Variants in SNX21 observed in about 807,000 individuals in gnomAD.
SNX21 encodes the protein sorting nexin family member 21, also known as sorting nexin-21.
SNX21 carries 36 observed loss-of-function variants against 30.9 expected under a neutral mutation model. The ratio of observed to expected loss-of-function variants is 1.16; its 90% CI spans 0.89 to 1.54. The LOEUF is 1.54. SNX21 is among the 40% of genes most tolerant of loss of function. The probability of loss-of-function intolerance (pLI) is 0.00; values close to 1 mark genes in which losing one functional copy is unlikely to be tolerated. For synonymous variants in SNX21, 218 were observed against 222.7 expected (o/e 0.98, Z 0.19); for missense variants, 508 against 516.5 (o/e 0.98, Z 0.16).
At position 45,841,417 on chromosome 20, in the gene SNX21, G is replaced by T. The variant is rs530653042; in HGVS notation, c.*104G>T. On this transcript the variant is annotated 3_prime_UTR_variant, in exon 4 of 4. Transcript: ENST00000491381. ...AGCTGGGAGGCTGCAGAGGGTGCTGGGAGCCCCTAGAAGTTCCAAAAGAGA... is the reference window on the plus strand; with the variant it reads ...AGCTGGGAGGCTGCAGAGGGTGCTGTGAGCCCCTAGAAGTTCCAAAAGAGA... 135 of 1,481,164 alleles carry T rather than the reference G, an allele frequency of 9.1e-5. No individual in the cohort carries two copies. In the South Asian group the frequency reaches 1.1e-3, roughly 12 times the overall value. 91.8% of individuals were successfully genotyped at this position (1,481,164 alleles called of 1,614,324 possible).
chr20:45,839,202 G>A (rs1338929291), intron 3 of SNX21, among the ~76,000 whole-genome samples: 1 of 152,134 alleles, frequency 6.6e-6, no homozygotes, highest in Non-Finnish European at 1.5e-5. Flanking sequence ...ACCTGCCCAA[G>A]AAGTCCTTTT....
At chr20:45,839,029 G>T (rs1048731450) in intron 3 of SNX21, among the ~76,000 whole-genome samples, 1 of 151,922 alleles carries the variant, frequency 6.6e-6, no homozygotes. Flanking sequence ...AAGTAGCTGG[G>T]ATTACAGGCA....
intron 2 of SNX21, 193 bp from the exon 3 acceptor site, chr20:45,834,766 A>G: frequency 1.4e-6 from 1 of 721,418 alleles, no homozygotes; most frequent in Non-Finnish European, 2.3e-6. Flanking sequence ...TTGAGGGTGG[A>G]GCTATTAATT....
rs776779563 is a variant in SNX21, at chr20:45,834,324, G to T, written c.145G>T (p.Asp49Tyr). The T allele has an allele frequency of 1.9e-6, 3 of 1,598,024 alleles. No homozygotes were observed. The highest frequency in any genetic ancestry group is 2.5e-6 in the Non-Finnish European group (3 of 1,177,302). Residue 49 changes from aspartate (D) to tyrosine (Y), a missense_variant, in exon 2 of 4, where the codon GAC becomes TAC. Coordinates refer to ENST00000491381, the MANE Select transcript of SNX21 (RefSeq NM_033421.4). ...FPESSELEDD[D>Y]AEGLSSRLSG... ...GGAGAGCTCAGAGCTGGAGGACGAC[G>T]ACGCCGAGGGCCTGTCCTCCCGACT...
Position 45,834,213 on chromosome 20 carries a change from T to G in SNX21, c.34T>G (p.Ser12Ala), listed in dbSNP as rs1983278452. 1 of 1,530,850 alleles carries G rather than the reference T, an allele frequency of 6.5e-7. No individual in the cohort carries two copies. Among genetic ancestry groups the G allele is most frequent in the Non-Finnish European group, 8.7e-7 (1 of 1,148,788 alleles). The allele number at this position is 1,530,850 out of a possible 1,614,324, so 94.8% of individuals were successfully genotyped here. Residue 12 changes from serine to alanine, a missense_variant, in exon 2 of 4, where the codon TCC (serine) becomes GCC (alanine). Ser to Ala is a moderately conservative substitution (Grantham distance 99). Transcript: ENST00000491381. ...GCGCTCCCCCCAGGGTGCCATGGCC[T>G]CCCGGCTCCTGCACCGGCTGCGGCA... is the stretch of plus-strand genomic sequence containing the variant. The part of the protein sequence containing the change: ...HRGTQEGAMA[S>A]RLLHRLRHAL...
In SNX21 at chr20:45,841,967, G is replaced by C; in HGVS notation, c.*654G>C. 1 of 1,612,934 alleles carries C rather than the reference G, an allele frequency of 6.2e-7. No homozygotes were observed. Among genetic ancestry groups the C allele is most frequent in the Non-Finnish European group, 8.5e-7 (1 of 1,179,922 alleles). On this transcript the variant is annotated 3_prime_UTR_variant, in exon 4 of 4. Transcript: ENST00000491381. The stretch of plus-strand genomic sequence containing the variant: ...GCCCCCGAGAGCCACCTGTGGGTGA[G>C]GTGAAGGGTGATGATGGCCTGCTTC...
intron 3 of SNX21, chr20:45,840,305 T>C: frequency 6.4e-7 from 1 of 1,564,200 alleles, no homozygotes; most frequent in South Asian, 1.2e-5. Flanking sequence ...GGTTTCAGCT[T>C]ATGTCTGGTT....
Position 45,842,532 on chromosome 20 carries a change from C to G in SNX21, c.*1219C>G. On this transcript the variant is annotated 3_prime_UTR_variant, in exon 4 of 4. Transcript: ENST00000491381. ...GGAAGAAAGGACTCAGAAGAGAGGA[C>G]TTGAGGCCATGAGGTCTGGCCTCTT... 2.0e-6 allele frequency: 2 copies of G among 1,008,636 alleles called. No homozygotes were observed. The highest frequency in any genetic ancestry group is 2.4e-6 in the Non-Finnish European group (2 of 843,968). 62.5% of individuals were successfully genotyped at this position (1,008,636 alleles called of 1,614,324 possible). A position where few individuals can be genotyped will look rare whatever the true frequency, so the allele number is the denominator to read the frequency against.
At position 45,834,985 on chromosome 20, in the gene SNX21, T is replaced by C. The variant is rs1983399333; in HGVS notation, c.316T>C (p.Trp106Arg). Reference protein sequence around the residue: ...AERSPPPDGQWGSQLLARQLQ... With the variant: ...AERSPPPDGQRGSQLLARQLQ... The stretch of plus-strand genomic sequence containing the variant: ...ACGGAGCCCCCCACCTGATGGGCAG[T>C]GGGGCAGTCAGCTCCTGGCGCGGCA... The change falls in exon 3 of 4, where the codon TGG becomes CGG. Residue 106 changes from tryptophan (W) to arginine (R), a missense_variant. Physicochemically the swap from Trp to Arg is moderately radical, Grantham distance 101. Coordinates refer to ENST00000491381, the MANE Select transcript of SNX21 (RefSeq NM_033421.4). The C allele has an allele frequency of 6.2e-7, 1 of 1,614,080 alleles. No individual in the cohort carries two copies. The highest frequency in any genetic ancestry group is 8.5e-7 in the Non-Finnish European group (1 of 1,179,984).
chr20:45,834,145 G>A, intron 1 of SNX21, 56 bp from the exon 2 acceptor site: 5 of 1,433,152 alleles, frequency 3.5e-6, no homozygotes, highest in Non-Finnish European at 4.5e-6. Context: ...CTCCTGCGCC[G>A]GGCTGGGGTA....
chr20:45,842,345 G>A lies in SNX21; in HGVS notation c.*1032G>A. ...TCGCTTCCTCAAAAAGATCACAGAGGGAGGAGCTCTGAGAACAGTCTCCTT... is the reference window on the plus strand; with the variant it reads ...TCGCTTCCTCAAAAAGATCACAGAGAGAGGAGCTCTGAGAACAGTCTCCTT... On this transcript the variant is annotated 3_prime_UTR_variant, in exon 4 of 4. Coordinates refer to ENST00000491381, the MANE Select transcript of SNX21 (RefSeq NM_033421.4). 1 of 1,375,998 alleles carries A rather than the reference G, an allele frequency of 7.3e-7. No individual in the cohort carries two copies. The highest frequency in any genetic ancestry group is 1.7e-5 in the South Asian group (1 of 59,512). 85.2% of individuals were successfully genotyped at this position (1,375,998 alleles called of 1,614,324 possible). A position where few individuals can be genotyped will look rare whatever the true frequency, so the allele number is the denominator to read the frequency against.
chr20:45,840,538 G>T, intron 3 of SNX21, 101 bp from the exon 4 acceptor site: 1 of 1,613,624 alleles, frequency 6.2e-7, no homozygotes, highest in Non-Finnish European at 8.5e-7. Flanking sequence ...GAAAGGAAGA[G>T]GTGGGGAGGT....
chr20:45,838,442 C>G (rs1983727003), intron 3 of SNX21: 1 of 151,936 alleles, frequency 6.6e-6, no homozygotes, highest in African/African-American at 2.4e-5. Context: ...TCTCACTTGC[C>G]ACCGAGAGAA....
At chr20:45,837,712 C>T (rs556031085) in intron 3 of SNX21, among the ~76,000 whole-genome samples, 4 of 152,234 alleles carry the variant, frequency 2.6e-5, no homozygotes, top group African/African-American at 7.2e-5. Flanking sequence ...CTAAAAATGC[C>T]ACTTGTGTCC....
Position 45,842,796 on chromosome 20 carries a change from A to G in SNX21, c.*1483A>G. On this transcript the variant is annotated 3_prime_UTR_variant, in exon 4 of 4. Transcript: ENST00000491381. ...CCCATGTCCTCACTTCAAGGTTATC[A>G]ATCTTGGATTGTGATGCTATTGGTA... 1 of 990,234 alleles carries G rather than the reference A, an allele frequency of 1.0e-6. No individual in the cohort carries two copies. 61.3% of individuals were successfully genotyped at this position (990,234 alleles called of 1,614,324 possible). A position where few individuals can be genotyped will look rare whatever the true frequency, so the allele number is the denominator to read the frequency against.
In SNX21 at chr20:45,833,836, C is replaced by A. The variant is rs116024725; in HGVS notation, c.-84C>A. 2 of 1,238,728 alleles carry A rather than the reference C, an allele frequency of 1.6e-6. No individual in the cohort carries two copies. Among genetic ancestry groups the A allele is most frequent in the Non-Finnish European group, 2.0e-6 (2 of 980,038 alleles). The allele number at this position is 1,238,728 out of a possible 1,614,324, so 76.7% of individuals were successfully genotyped here. On this transcript the variant is annotated 5_prime_UTR_variant, in exon 1 of 4. Transcript: ENST00000491381. Reference sequence around the variant, plus strand: ...GAGCGGCGCTCTGAGCGGCCTGAGCCCGGCGGAGCCCTGCAGAACCCGGCC... The same window carrying A: ...GAGCGGCGCTCTGAGCGGCCTGAGCACGGCGGAGCCCTGCAGAACCCGGCC...
At position 45,841,790 on chromosome 20, in the gene SNX21, G is replaced by A. The variant is rs1984152252; in HGVS notation, c.*477G>A. 1.3e-6 allele frequency: 2 copies of A among 1,540,950 alleles called. No homozygotes were observed. Among genetic ancestry groups the A allele is most frequent in the African/African-American group, 2.8e-5 (2 of 72,486 alleles). On this transcript the variant is annotated 3_prime_UTR_variant, in exon 4 of 4. Coordinates refer to ENST00000491381, the MANE Select transcript of SNX21 (RefSeq NM_033421.4). ...ACTGTAACTCCTGTCTCAGGAATGG[G>A]GATAGATGGGAGGTTCTTGAAGCCC...
Position 45,842,160 on chromosome 20 carries a change from A to G in SNX21, c.*847A>G. The G allele has an allele frequency of 6.6e-7, 1 of 1,522,016 alleles. No individual in the cohort carries two copies. Among genetic ancestry groups the G allele is most frequent in the Non-Finnish European group, 8.8e-7 (1 of 1,141,032 alleles). 94.3% of individuals were successfully genotyped at this position (1,522,016 alleles called of 1,614,324 possible). Reference sequence around the variant, plus strand: ...CCAACCTCCAAGTGGACTTCTTGCAAAGGGTCTGGCCCAGGGCAGGGCTGC... The same window carrying G: ...CCAACCTCCAAGTGGACTTCTTGCAGAGGGTCTGGCCCAGGGCAGGGCTGC... On this transcript the variant is annotated 3_prime_UTR_variant, in exon 4 of 4. Transcript: ENST00000491381.
chr20:45,834,535 C>G, intron 2 of SNX21, 67 bp downstream of exon 2: 1 of 1,489,740 alleles, frequency 6.7e-7, no homozygotes, highest in Non-Finnish European at 8.9e-7. Flanking sequence ...GCCGCGTTCC[C>G]AGAGCATCCA....
Sources: allele counts gnomAD v4.1 joint callset (sites outside exome capture counted in the v4.1 genomes callset), GRCh38; gene constraint gnomAD v4.1.1; transcripts MANE v1.5; gene names NCBI Gene and HGNC (gene_info 2026-07-23, HGNC 2026-07-21).